PGAP6: variants seen among roughly 807,000 people sequenced by gnomAD.
PGAP6 encodes the protein post-GPI attachment to proteins 6.
A neutral mutation model predicts 68.4 loss-of-function variants in PGAP6; 62 were observed. That is an observed-to-expected ratio of 0.91 (90% CI 0.74 to 1.12). PGAP6 has a LOEUF of 1.12. Ranked by LOEUF, PGAP6 falls within the 50% of genes most tolerant of loss-of-function variation. The probability of loss-of-function intolerance (pLI) is 0.00; values close to 1 mark genes in which losing one functional copy is unlikely to be tolerated. For synonymous variants in PGAP6, 575 were observed against 474.0 expected, an observed-to-expected ratio of 1.21 and a Z score of -2.77; for missense variants, 1,188 against 1,068.5, an observed-to-expected ratio of 1.11 and a Z score of -1.56.
At chr16:384,845 G>C (rs1181822316), upstream of PGAP6, among the ~76,000 whole-genome samples, 5 of 134,274 alleles carry the variant, frequency 3.7e-5, no homozygotes, top group Non-Finnish European at 7.9e-5. Flanking sequence ...GACAGAGCGA[G>C]ACTCCATCTC....
chr16:372,006 T>G lies in PGAP6; in HGVS notation c.2297A>C (p.Glu766Ala), dbSNP rs757369846. 1 of 1,612,404 alleles carries G rather than the reference T, an allele frequency of 6.2e-7. No individual in the cohort carries two copies. The highest frequency in any genetic ancestry group is 1.1e-5 in the South Asian group (1 of 91,010). Residue 766 changes from glutamate to alanine, a missense_variant, in exon 13 of 13, where the codon GAA (glutamate) becomes GCA (alanine). By Grantham distance (107) the Glu-to-Ala change is moderately radical. Coordinates refer to ENST00000431232, the MANE Select transcript of PGAP6 (RefSeq NM_021259.3). ...CCAGTGTCACGTCACTGCGTACAGT[T>G]CCTCCCGATCGTTCTTGCAGATCTG... The part of the protein sequence containing the change: ...HYQICKNDRE[E>A]LYAVT
chr16:375,688 C>A lies in PGAP6; in HGVS notation c.1225-253G>T, dbSNP rs577008674. 3.9e-5 allele frequency among the ~76,000 whole-genome samples: 6 copies of A among 152,300 alleles called. No homozygotes were observed. In the East Asian group the frequency reaches 1.2e-3, roughly 29 times the overall value. ...CTGGGACTACAGGCGCCCGCCACCA[C>A]GCCCGGCTAATTTTTGTATTTTCAG... On this transcript the variant is annotated intron_variant, in intron 6 of 12. Transcript: ENST00000431232.
At chr16:379,478 G>A (rs1489931883) in intron 1 of PGAP6, among the ~76,000 whole-genome samples, 1 of 152,238 alleles carries the variant, frequency 6.6e-6, no homozygotes, top group Non-Finnish European at 1.5e-5. Flanking sequence ...CCAGGCTGTG[G>A]CCTGATAATG....
chr16:381,878 C>G lies in PGAP6; in HGVS notation c.-57G>C. ...CGCGTCCCGCGCCGCCGGCCCCCGC[C>G]GCCGCCCGGGCAGCCTCTGCCGCCT... On this transcript the variant is annotated 5_prime_UTR_variant, in exon 1 of 13. Coordinates refer to ENST00000431232, the MANE Select transcript of PGAP6 (RefSeq NM_021259.3). The G allele has an allele frequency of 1.0e-6, 1 of 976,058 alleles. No individual in the cohort carries two copies. The highest frequency in any genetic ancestry group is 1.2e-6 in the Non-Finnish European group (1 of 823,484). The allele number at this position is 976,058 out of a possible 1,614,324, so 60.5% of individuals were successfully genotyped here.
At chr16:373,787 G>C (rs1018954439) in intron 11 of PGAP6, among the ~76,000 whole-genome samples, 1 of 151,684 alleles carries the variant, frequency 6.6e-6, no homozygotes. Context: ...GGGATTACAG[G>C]TGTGAGCCAC....
In PGAP6 at chr16:371,850, AGGAGGAAG is replaced by A. The variant is rs1203328177; in HGVS notation, c.*129_*136del. On this transcript the variant is annotated 3_prime_UTR_variant, in exon 13 of 13. Coordinates refer to ENST00000431232, the MANE Select transcript of PGAP6 (RefSeq NM_021259.3). ...AGGGAGGGGTGGCCCTCTCCTCAGT[AGGAGGAAG>A]TAAGAGGGTATCTAGGCCAATTTAT... 4 of 878,320 alleles carry A rather than the reference AGGAGGAAG, an allele frequency of 4.6e-6. No individual in the cohort carries two copies. In the African/African-American group the frequency reaches 6.7e-5, roughly 15 times the overall value. The allele number at this position is 878,320 out of a possible 1,614,324, so 54.4% of individuals were successfully genotyped here.
At chr16:374,551 C>T (rs2054363822) in intron 9 of PGAP6, 152 bp from the exon 10 acceptor site, 7 of 1,131,458 alleles carry the variant, frequency 6.2e-6, no homozygotes, top group African/African-American at 1.6e-5. Context: ...GAGGCAGTAC[C>T]ACCCCCCGGG....
At chr16:382,030 T>G (rs2054445251), upstream of PGAP6, 8 of 741,472 alleles carry the variant, frequency 1.1e-5, no homozygotes, top group African/African-American at 2.3e-5. Context: ...GAGGGCGGGG[T>G]CGGGGGGCGG....
intron 12 of PGAP6, 92 bp from the exon 13 acceptor site, chr16:372,375 A>C: frequency 3.6e-6 from 5 of 1,377,848 alleles, no homozygotes; most frequent in Non-Finnish European, 9.9e-7. Context: ...GGGCCTGCCC[A>C]GGTCTGGGCA....
In PGAP6 at chr16:372,264, C is replaced by T. The variant is rs200013439; in HGVS notation, c.2039G>A (p.Arg680Gln). 57 of 1,610,558 alleles carry T rather than the reference C, an allele frequency of 3.5e-5. No homozygotes were observed. Among genetic ancestry groups the T allele is most frequent in the East Asian group, 2.7e-4 (12 of 44,858 alleles). Residue 680 changes from arginine (R) to glutamine (Q), a missense_variant, in exon 13 of 13, where the codon CGG becomes CAG. Arg to Gln is a conservative substitution (Grantham distance 43). Coordinates refer to ENST00000431232, the MANE Select transcript of PGAP6 (RefSeq NM_021259.3). ...ASMWAYRCGH[R>Q]RQCYPTSWQR... Reference sequence around the variant, plus strand: ...CCACGAGGTGGGGTAGCACTGGCGCCGGTGCCCGCAGCGGTAAGCCTGGAG... The same window carrying T: ...CCACGAGGTGGGGTAGCACTGGCGCTGGTGCCCGCAGCGGTAAGCCTGGAG...
chr16:385,337 C>T (rs1179729700), upstream of PGAP6, among the ~76,000 whole-genome samples: 13 of 113,636 alleles, frequency 1.1e-4, no homozygotes, highest in South Asian at 3.0e-4. Flanking sequence ...TTTTTTGAGA[C>T]GGAGCCTCAC....
intron 12 of PGAP6, 127 bp downstream of exon 12, chr16:372,484 C>T (rs953970052): frequency 6.8e-5 from 67 of 978,584 alleles, no homozygotes; most frequent in South Asian, 1.7e-4. Context: ...CTGTGGGTGC[C>T]ATGGCAACCC....
chr16:386,882 C>T (rs1224851028), upstream of PGAP6: 2 of 637,810 alleles, frequency 3.1e-6, no homozygotes, highest in Non-Finnish European at 5.9e-6. Context: ...AAAAGAAGAC[C>T]CGCACGTCAC....
chr16:383,829 G>A (rs968519146), upstream of PGAP6, among the ~76,000 whole-genome samples: 4 of 138,252 alleles, frequency 2.9e-5, no homozygotes, highest in Non-Finnish European at 6.6e-5. Context: ...TTTGAACGCC[G>A]CAGCGGGTGG....
chr16:371,820 G>C lies in PGAP6; in HGVS notation c.*167C>G. On this transcript the variant is annotated 3_prime_UTR_variant, in exon 13 of 13. Transcript: ENST00000431232. ...GCAGGCAGCTGGCGAGGAGAGGTGCGTGTGAGGGAGGGGTGGCCCTCTCCT... is the reference window on the plus strand; with the variant it reads ...GCAGGCAGCTGGCGAGGAGAGGTGCCTGTGAGGGAGGGGTGGCCCTCTCCT... 1.5e-6 allele frequency: 1 copy of C among 656,306 alleles called. No homozygotes were observed. Among genetic ancestry groups the C allele is most frequent in the Non-Finnish European group, 2.6e-6 (1 of 388,954 alleles). The allele number at this position is 656,306 out of a possible 1,614,324, so 40.7% of individuals were successfully genotyped here.
chr16:382,069 A>AG (rs2054446911), upstream of PGAP6: 5 of 335,234 alleles, frequency 1.5e-5, no homozygotes, highest in African/African-American at 1.9e-4. Context: ...CGCCGGGGGG[A>AG]GGGGTCACGT....
chr16:371,850 A>G lies in PGAP6; in HGVS notation c.*137T>C. 2 of 878,320 alleles carry G rather than the reference A, an allele frequency of 2.3e-6. No homozygotes were observed. The highest frequency in any genetic ancestry group is 1.7e-5 in the South Asian group (1 of 58,646). The allele number at this position is 878,320 out of a possible 1,614,324, so 54.4% of individuals were successfully genotyped here. A position where few individuals can be genotyped will look rare whatever the true frequency, so the allele number is the denominator to read the frequency against. ...AGGGAGGGGTGGCCCTCTCCTCAGT[A>G]GGAGGAAGTAAGAGGGTATCTAGGC... On this transcript the variant is annotated 3_prime_UTR_variant, in exon 13 of 13. Transcript: ENST00000431232.
chr16:373,009 C>T (rs952090296), intron 11 of PGAP6, among the ~76,000 whole-genome samples: 1 of 152,192 alleles, frequency 6.6e-6, no homozygotes. Flanking sequence ...GGCCGCTCTG[C>T]ACCCACACAC....
chr16:373,897 G>A (rs2054355828), intron 11 of PGAP6, 108 bp downstream of exon 11: 1 of 1,354,252 alleles, frequency 7.4e-7, no homozygotes, highest in South Asian at 1.5e-5. Flanking sequence ...GTTTCCAGGG[G>A]CCGTGCCCAA....
Sources: gnomAD v4.1 joint callset for allele counts (sites outside exome capture counted in the v4.1 genomes callset) on GRCh38, gnomAD v4.1.1 for gene constraint, MANE v1.5 for transcripts, NCBI Gene and HGNC (gene_info 2026-07-23, HGNC 2026-07-21) for gene names.